The following NHSL2 variants were observed in gnomAD, a reference collection of about 807,000 sequenced individuals.
NHSL2 encodes the protein NHS like 2, also known as NHS-like protein 2.
A neutral mutation model predicts 53.4 loss-of-function variants in NHSL2; 27 were observed. That is an observed-to-expected ratio of 0.51 (90% CI 0.37 to 0.70). The LOEUF (loss-of-function observed/expected upper bound fraction) is 0.70, where lower values mean the gene tolerates loss of function less well. NHSL2 is among the 30% of genes least tolerant of loss of function. The pLI is 0.00. For synonymous variants in NHSL2, 408 were observed against 404.1 expected (o/e 1.01, Z -0.12); for missense variants, 892 against 980.1 (o/e 0.91, Z 1.20).
intron 1 of NHSL2, among the ~76,000 whole-genome samples, chrX:72,039,140 TCCTTTCCTTC>T (rs1330536619): frequency 9.1e-5 from 9 of 99,289 alleles, no homozygotes; most frequent in African/African-American, 3.4e-4. Context: ...TCCTTTCCTT[TCCTTTCCTTC>T]CTTGTCTCTC....
At position 71,963,984 on chromosome X, in the gene NHSL2, T is replaced by C. The variant is rs1422095211; in HGVS notation, c.280+52617T>C. Reference sequence around the variant, plus strand: ...ACACATATATATATACATATATATATATATATATGTATATACATATATATA... The same window carrying C: ...ACACATATATATATACATATATATACATATATATGTATATACATATATATA... On this transcript the variant is annotated intron_variant, in intron 1 of 7. Transcript: ENST00000633930. Among the ~76,000 whole-genome samples the C allele has an allele frequency of 4.8e-4, 31 of 63,929 alleles. 3 individuals carry two copies. Among genetic ancestry groups the C allele is most frequent in the African/African-American group, 1.9e-3 (26 of 13,851 alleles). 55.5% of individuals were successfully genotyped at this position (63,929 alleles called of 115,157 possible).
intron 1 of NHSL2, among the ~76,000 whole-genome samples, chrX:72,126,671 T>C (rs1006467354): frequency 1.8e-5 from 2 of 111,344 alleles, no homozygotes; most frequent in Non-Finnish European, 3.8e-5. Flanking sequence ...AGCCATGAGA[T>C]CTTGCTTGGA....
chrX:72,005,922 A>T (rs753854289), intron 1 of NHSL2, among the ~76,000 whole-genome samples: 50 of 112,015 alleles, frequency 4.5e-4, no homozygotes, highest in Non-Finnish European at 7.7e-4. Context: ...AGCTCTCAAG[A>T]TATAAATTTG....
At chrX:71,998,966 G>T (rs970593100) in intron 1 of NHSL2, among the ~76,000 whole-genome samples, 1 of 112,325 alleles carries the variant, frequency 8.9e-6, no homozygotes, top group African/African-American at 3.2e-5. Context: ...ATAAATGAAG[G>T]AATAAATGAG....
intron 1 of NHSL2, chrX:72,128,849 G>C (rs1220286369): frequency 8.8e-6 from 1 of 113,283 alleles, no homozygotes; most frequent in Non-Finnish European, 1.9e-5. Flanking sequence ...TGCAGTCCAA[G>C]GCCTGGCAAG....
intron 1 of NHSL2, among the ~76,000 whole-genome samples, chrX:71,984,061 C>T: frequency 9.0e-6 from 1 of 111,464 alleles, no homozygotes; most frequent in South Asian, 3.8e-4. Flanking sequence ...TCAAACACCT[C>T]TGACATTTCC....
chrX:72,085,813 CT>C (rs1249882947), intron 1 of NHSL2, among the ~76,000 whole-genome samples: 1 of 107,262 alleles, frequency 9.3e-6, no homozygotes, highest in African/African-American at 3.4e-5. Context: ...AGTGCAGCTG[CT>C]CCCTACTCCC....
chrX:72,119,645 T>G (rs1163047725), intron 1 of NHSL2, among the ~76,000 whole-genome samples: 5 of 112,513 alleles, frequency 4.4e-5, no homozygotes, highest in Non-Finnish European at 9.4e-5. Flanking sequence ...TTTAATAGTT[T>G]TTTAGTGGAT....
intron 1 of NHSL2, among the ~76,000 whole-genome samples, chrX:72,108,019 G>T (rs190224214): frequency 2.1e-4 from 24 of 112,029 alleles, no homozygotes; most frequent in African/African-American, 5.5e-4. Context: ...GAGGGAGGAA[G>T]AGCAGCAGGT....
At chrX:72,068,458 G>A (rs1218395943) in intron 1 of NHSL2, among the ~76,000 whole-genome samples, 1 of 112,320 alleles carries the variant, frequency 8.9e-6, no homozygotes, top group African/African-American at 3.2e-5. Flanking sequence ...GCATTGAGCA[G>A]TACCACCACT....
At chrX:72,084,984 A>G (rs1232740236) in intron 1 of NHSL2, among the ~76,000 whole-genome samples, 1 of 112,502 alleles carries the variant, frequency 8.9e-6, no homozygotes, top group East Asian at 2.8e-4. Context: ...AGAACAGTGC[A>G]GTAAGTGATG....
In NHSL2 at chrX:71,974,200, C is replaced by T. The variant is rs191329287; in HGVS notation, c.280+62833C>T. On this transcript the variant is annotated intron_variant, in intron 1 of 7. Transcript: ENST00000633930. ...ACAGCCATTCTGTAAGTCCTGTCCC[C>T]TTACTGAAAATTGTGACAGTGGAAA... Among the ~76,000 whole-genome samples the T allele has an allele frequency of 4.2e-3, 475 of 111,950 alleles. 2 individuals carry two copies. Among genetic ancestry groups the T allele is most frequent in the African/African-American group, 0.015 (456 of 30,814 alleles).
At chrX:72,050,207 C>T (rs763003479) in intron 1 of NHSL2, among the ~76,000 whole-genome samples, 3 of 111,043 alleles carry the variant, frequency 2.7e-5, no homozygotes, top group East Asian at 5.7e-4. Flanking sequence ...CATTGTTCTC[C>T]ACCTTGGATC....
At position 72,146,229 on chromosome X, in the gene NHSL2, G is replaced by A. The variant is rs1371800503; in HGVS notation, c.*2655G>A. ...ATTTAATATTTTGCAACAGGTAGAC[G>A]TCCCAAATAAACAACCAAACTGTAA... On this transcript the variant is annotated 3_prime_UTR_variant, in exon 8 of 8. Transcript: ENST00000633930. 8.9e-6 allele frequency: 1 copy of A among 111,938 alleles called. No individual in the cohort carries two copies. Among genetic ancestry groups the A allele is most frequent in the East Asian group, 2.8e-4 (1 of 3,575 alleles). 9.2% of individuals were successfully genotyped at this position (111,938 alleles called of 1,213,427 possible).
intron 1 of NHSL2, among the ~76,000 whole-genome samples, chrX:72,085,806 GCAGCTGCTCCCTACTCCCTCCCTAC>G (rs2041836934): frequency 9.3e-6 from 1 of 106,969 alleles, no homozygotes; most frequent in Non-Finnish European, 1.9e-5. Context: ...CCCAGGCAGT[GCAGCTGCTCCCTACTCCCTCCCTAC>G]CACCCGTATG....
intron 1 of NHSL2, among the ~76,000 whole-genome samples, chrX:72,039,995 C>T (rs2042264616): frequency 8.9e-6 from 1 of 112,270 alleles, no homozygotes; most frequent in South Asian, 3.7e-4. Context: ...ATTATCATTT[C>T]CATTATAGAG....
intron 4 of NHSL2, among the ~76,000 whole-genome samples, chrX:72,135,949 T>G (rs1057087310): frequency 1.8e-5 from 2 of 111,289 alleles, no homozygotes; most frequent in African/African-American, 6.5e-5. Context: ...GATGTGAGGA[T>G]TGCTTGACCC....
intron 1 of NHSL2, among the ~76,000 whole-genome samples, chrX:72,012,096 A>G (rs1341657198): frequency 2.7e-5 from 3 of 112,071 alleles, no homozygotes; most frequent in African/African-American, 9.7e-5. Flanking sequence ...CAAGGACTCC[A>G]TAGAACAAAA....
intron 1 of NHSL2, among the ~76,000 whole-genome samples, chrX:72,075,939 A>AT (rs1335512233): frequency 1.9e-4 from 19 of 98,864 alleles, no homozygotes; most frequent in Middle Eastern, 5.2e-3. Flanking sequence ...TTGTGTGTGT[A>AT]TTTTTTTTTC....
Sources: allele counts gnomAD v4.1 joint callset (sites outside exome capture counted in the v4.1 genomes callset), GRCh38; gene constraint gnomAD v4.1.1; transcripts MANE v1.5; gene names NCBI Gene and HGNC (gene_info 2026-07-23, HGNC 2026-07-21).